LGR4: variants seen among roughly 807,000 people sequenced by gnomAD.
The protein encoded by LGR4 is leucine rich repeat containing G protein-coupled receptor 4.
In LGR4, 44 loss-of-function variants were observed where a neutral mutation model predicts 84.8. The ratio of observed to expected loss-of-function variants is 0.52; its 90% CI spans 0.41 to 0.67. The LOEUF (loss-of-function observed/expected upper bound fraction) is 0.67. LGR4 is among the 30% of genes least tolerant of loss of function. LGR4 has a pLI of 0.00. For synonymous variants in LGR4, 429 were observed against 434.3 expected, an observed-to-expected ratio of 0.99 and a Z score of 0.15; for missense variants, 1,032 against 1,131.4, an observed-to-expected ratio of 0.91 and a Z score of 1.26.
chr11:27,451,785 G>A (rs968637749), intron 1 of LGR4, among the ~76,000 whole-genome samples: 1 of 152,186 alleles, frequency 6.6e-6, no homozygotes, highest in Non-Finnish European at 1.5e-5. Flanking sequence ...TTCACAGGCA[G>A]AGATCCAAGG....
At chr11:27,401,970 C>A (rs1863513413) in intron 2 of LGR4, among the ~76,000 whole-genome samples, 1 of 152,142 alleles carries the variant, frequency 6.6e-6, no homozygotes, top group Admixed American at 6.6e-5. Flanking sequence ...AAAGGAAGAT[C>A]AGAGAAGGCT....
rs781480626 is a variant in LGR4 at position 27,368,973 on chromosome 11, T to A, written c.1750A>T (p.Asn584Tyr). The change falls in exon 18 of 18, where the codon AAC becomes TAC. Residue 584 changes from asparagine to tyrosine, a missense_variant. By Grantham distance (143) the Asn-to-Tyr change is moderately radical (BLOSUM62 -2). Transcript: ENST00000379214. ...KLFIGLISVS[N>Y]LFMGIYTGIL... ...CCAGTATAGATTCCCATGAATAAGT[T>A]AGACACAGAAATCAAGCCTATAAAC... The A allele has an allele frequency of 1.9e-6, 3 of 1,614,054 alleles. No individual in the cohort carries two copies. The highest frequency in any genetic ancestry group is 2.5e-6 in the Non-Finnish European group (3 of 1,179,976).
intron 1 of LGR4, among the ~76,000 whole-genome samples, chr11:27,422,406 C>T (rs1386896842): frequency 6.6e-6 from 1 of 152,090 alleles, no homozygotes; most frequent in Non-Finnish European, 1.5e-5. Flanking sequence ...CAGCTCACAA[C>T]CAATTAATAG....
At chr11:27,451,096 G>A (rs550569468) in intron 1 of LGR4, among the ~76,000 whole-genome samples, 7 of 152,062 alleles carry the variant, frequency 4.6e-5, no homozygotes, top group South Asian at 2.1e-4. Flanking sequence ...CTAAATGAAC[G>A]GTACTTTTCA....
In LGR4 at chr11:27,368,850, C is replaced by A. The variant is rs1157897556; in HGVS notation, c.1873G>T (p.Ala625Ser). The change falls in exon 18 of 18, where the codon GCA becomes TCA. Residue 625 changes from alanine (A) to serine (S), a missense_variant. Transcript: ENST00000379214. ...GSGCKVAGFL[A>S]VFSSESAIFL... ...ATGGCACTTTCTGAGGAGAAAACTG[C>A]AAGAAACCCAGCTACTTTGCAGCCA... 6.2e-7 allele frequency: 1 copy of A among 1,614,094 alleles called. No homozygotes were observed. Among genetic ancestry groups the A allele is most frequent in the East Asian group, 2.2e-5 (1 of 44,880 alleles).
At chr11:27,379,462 T>G (rs1863050489) in intron 10 of LGR4, among the ~76,000 whole-genome samples, 1 of 152,228 alleles carries the variant, frequency 6.6e-6, no homozygotes, top group African/African-American at 2.4e-5. Context: ...CTCCTCACAT[T>G]ACCTGCTTAA....
chr11:27,374,616 CAG>C (rs1862942631), intron 13 of LGR4, among the ~76,000 whole-genome samples: 3 of 152,160 alleles, frequency 2.0e-5, no homozygotes, highest in African/African-American at 4.8e-5. Flanking sequence ...ATTAATAAAA[CAG>C]AAATAATCTA....
At chr11:27,459,056 T>C (rs1056817390) in intron 1 of LGR4, among the ~76,000 whole-genome samples, 1 of 152,164 alleles carries the variant, frequency 6.6e-6, no homozygotes, top group Non-Finnish European at 1.5e-5. Context: ...AATCAAGAAC[T>C]ACAAAAGGAA....
chr11:27,432,471 T>C (rs1864131538), intron 1 of LGR4, among the ~76,000 whole-genome samples: 1 of 152,082 alleles, frequency 6.6e-6, no homozygotes, highest in African/African-American at 2.4e-5. Flanking sequence ...ATGGCAAAAT[T>C]CAAAGAGGTG....
intron 1 of LGR4, among the ~76,000 whole-genome samples, chr11:27,436,851 CTGTT>C (rs1255791060): frequency 1.3e-5 from 2 of 151,918 alleles, no homozygotes; most frequent in Non-Finnish European, 2.9e-5. Flanking sequence ...AATCTTGAAT[CTGTT>C]TGATAGATAG....
chr11:27,400,630 G>A (rs1160252125), intron 2 of LGR4, among the ~76,000 whole-genome samples: 1 of 151,670 alleles, frequency 6.6e-6, no homozygotes, highest in Admixed American at 6.6e-5. Context: ...AGCCTCTTGA[G>A]TAGCTGGGAT....
rs537194146 is a variant in LGR4 at position 27,472,588 on chromosome 11, C to T, written c.-286G>A. The T allele has an allele frequency of 1.3e-4, 48 of 375,738 alleles. 2 individuals carry two copies. The South Asian group carries it at 5.6e-3, about 44-fold the overall frequency. The allele number at this position is 375,738 out of a possible 1,614,324, so 23.3% of individuals were successfully genotyped here. On this transcript the variant is annotated 5_prime_UTR_variant, in exon 1 of 18. Transcript: ENST00000379214. ...GCCCGGCGCAGCGGCGGGGGCCGCG[C>T]TCTGCCATCGCACCGGTCTCCCTGT...
intron 2 of LGR4, among the ~76,000 whole-genome samples, chr11:27,403,016 T>C (rs944472053): frequency 6.6e-6 from 1 of 152,232 alleles, no homozygotes; most frequent in African/African-American, 2.4e-5. Flanking sequence ...TAAAGCCTGA[T>C]GTGTTTAAAG....
At chr11:27,471,984 G>T in intron 1 of LGR4, 134 bp downstream of exon 1, 1 of 548,134 alleles carries the variant, frequency 1.8e-6, no homozygotes, top group Non-Finnish European at 2.7e-6. Flanking sequence ...GCAGGTGACC[G>T]GCGGACCCCC....
At chr11:27,412,976 T>A in intron 1 of LGR4, 116 bp from the exon 2 acceptor site, 1 of 693,380 alleles carries the variant, frequency 1.4e-6, no homozygotes, top group Non-Finnish European at 2.5e-6. Flanking sequence ...AGAAGACACA[T>A]AGAAACAGTC....
chr11:27,471,482 C>A (rs956529569), intron 1 of LGR4, among the ~76,000 whole-genome samples: 1 of 152,264 alleles, frequency 6.6e-6, no homozygotes, highest in African/African-American at 2.4e-5. Context: ...GACTCCCCTG[C>A]GTGCTGCAGA....
At chr11:27,378,018 T>C (rs1009440143) in intron 11 of LGR4, among the ~76,000 whole-genome samples, 12 of 152,184 alleles carry the variant, frequency 7.9e-5, no homozygotes, top group Non-Finnish European at 1.6e-4. Context: ...AGTAACAGAT[T>C]ATATCATATA....
chr11:27,442,041 T>C (rs1864313967), intron 1 of LGR4, among the ~76,000 whole-genome samples: 1 of 152,160 alleles, frequency 6.6e-6, no homozygotes, highest in African/African-American at 2.4e-5. Context: ...TGAGAATCAA[T>C]CCTATTCTCT....
At chr11:27,452,028 C>A (rs1025449692) in intron 1 of LGR4, among the ~76,000 whole-genome samples, 1 of 152,184 alleles carries the variant, frequency 6.6e-6, no homozygotes, top group African/African-American at 2.4e-5. Context: ...TGGACACCCA[C>A]GTAATCTTCC....
Sources: allele counts gnomAD v4.1 joint callset (sites outside exome capture counted in the v4.1 genomes callset), GRCh38; gene constraint gnomAD v4.1.1; transcripts MANE v1.5; gene names NCBI Gene and HGNC (gene_info 2026-07-23, HGNC 2026-07-21).